DTWD2: variants seen among roughly 807,000 people sequenced by gnomAD.
The protein encoded by DTWD2 is DTW motif tRNA-uridine aminocarboxypropyltransferase 2, also known as tRNA-uridine aminocarboxypropyltransferase 2.
Under a neutral mutation model 31.8 loss-of-function variants are expected in DTWD2, and 39 were observed. The observed-to-expected ratio is 1.22, with a 90% CI of 0.95 to 1.60. The LOEUF (loss-of-function observed/expected upper bound fraction) is 1.60. Ranked by LOEUF, DTWD2 falls within the 40% of genes most tolerant of loss-of-function variation. DTWD2 has a pLI of 0.00. For missense variants in DTWD2, 515 were observed against 381.5 expected, an observed-to-expected ratio of 1.35 and a Z score of -2.92; for synonymous variants, 180 against 142.8, an observed-to-expected ratio of 1.26 and a Z score of -1.86.
intron 4 of DTWD2, among the ~76,000 whole-genome samples, chr5:118,848,624 A>T (rs922058422): frequency 6.6e-6 from 1 of 151,804 alleles, no homozygotes; most frequent in Non-Finnish European, 1.5e-5. Flanking sequence ...TAAAATCAAA[A>T]AGGCTACAAG....
chr5:118,880,984 G>T (rs1752727502), intron 4 of DTWD2, among the ~76,000 whole-genome samples: 1 of 152,140 alleles, frequency 6.6e-6, no homozygotes, highest in African/African-American at 2.4e-5. Context: ...CAAATGATTT[G>T]ATCTTAACTG....
chr5:118,975,939 T>A (rs1047823471), intron 1 of DTWD2, among the ~76,000 whole-genome samples: 7 of 152,108 alleles, frequency 4.6e-5, no homozygotes, highest in Non-Finnish European at 7.4e-5. Context: ...ACCACATAAT[T>A]AGAAGCAAAA....
chr5:118,851,013 G>A (rs894554231), intron 4 of DTWD2, among the ~76,000 whole-genome samples: 3 of 152,018 alleles, frequency 2.0e-5, no homozygotes, highest in Admixed American at 6.6e-5. Flanking sequence ...TTCGGAGGCC[G>A]AGGTGGGTGG....
chr5:118,943,518 T>C (rs1474739956), intron 2 of DTWD2, among the ~76,000 whole-genome samples: 2 of 145,788 alleles, frequency 1.4e-5, no homozygotes, highest in Non-Finnish European at 3.0e-5. Context: ...GCCACTGCAC[T>C]CCTGCTTGGG....
intron 4 of DTWD2, among the ~76,000 whole-genome samples, chr5:118,867,508 G>A (rs1026717170): frequency 6.6e-6 from 1 of 152,196 alleles, no homozygotes. Flanking sequence ...GACTGTCTTT[G>A]AAACCAGGAC....
chr5:118,868,210 A>C lies in DTWD2; in HGVS notation c.598-19992T>G, dbSNP rs138219104. Among the ~76,000 whole-genome samples, 641 of 152,262 alleles carry C rather than the reference A, an allele frequency of 4.2e-3. 7 individuals are homozygous for C. The highest frequency in any genetic ancestry group is 0.029 in the East Asian group (150 of 5,178). On this transcript the variant is annotated intron_variant, in intron 4 of 5. Transcript: ENST00000510708. ...GGTGTCAGAAATACGAGATACCCAC[A>C]TGCAAAAGAATGTTGTTGGGCCCTT...
At chr5:118,892,098 G>T (rs1561444167) in intron 4 of DTWD2, among the ~76,000 whole-genome samples, 1 of 151,938 alleles carries the variant, frequency 6.6e-6, no homozygotes, top group African/African-American at 2.4e-5. Context: ...ATTAGTAAGA[G>T]ATTTTATTTT....
chr5:118,929,764 C>G (rs1470141203), intron 3 of DTWD2, among the ~76,000 whole-genome samples: 1 of 152,182 alleles, frequency 6.6e-6, no homozygotes, highest in Non-Finnish European at 1.5e-5. Context: ...AAAGCTGTTG[C>G]ATCTGTAGAG....
At chr5:118,950,673 A>C (rs531537908) in intron 1 of DTWD2, among the ~76,000 whole-genome samples, 1 of 152,204 alleles carries the variant, frequency 6.6e-6, no homozygotes, top group Admixed American at 6.5e-5. Flanking sequence ...CACTTGAAGC[A>C]AGATCCTGGG....
At chr5:118,919,894 T>C (rs55874944) in intron 4 of DTWD2, among the ~76,000 whole-genome samples, 17,573 of 152,166 alleles carry the variant, frequency 0.12, 1,219 homozygotes, top group Middle Eastern at 0.2. Context: ...GGCTTATACA[T>C]GTAAGATGTA....
At chr5:118,891,526 C>CT (rs1416944670) in intron 4 of DTWD2, among the ~76,000 whole-genome samples, 2 of 152,180 alleles carry the variant, frequency 1.3e-5, no homozygotes, top group African/African-American at 2.4e-5. Flanking sequence ...AGCCTACTCT[C>CT]AATTGTGGCT....
chr5:118,953,392 T>C (rs1390892088), intron 1 of DTWD2, among the ~76,000 whole-genome samples: 1 of 152,200 alleles, frequency 6.6e-6, no homozygotes, highest in African/African-American at 2.4e-5. Context: ...AATCAAAGAA[T>C]AATAAACAAC....
intron 1 of DTWD2, among the ~76,000 whole-genome samples, chr5:118,948,983 G>C (rs1754399330): frequency 3.3e-5 from 5 of 152,204 alleles, no homozygotes; most frequent in Admixed American, 3.3e-4. Context: ...AGATTAGCCA[G>C]ACACGATCAG....
chr5:118,963,154 C>T (rs1259191368), intron 1 of DTWD2, among the ~76,000 whole-genome samples: 2 of 152,038 alleles, frequency 1.3e-5, no homozygotes, highest in African/African-American at 4.8e-5. Flanking sequence ...GTAAGAAATA[C>T]GAAGAGGCTG....
intron 1 of DTWD2, among the ~76,000 whole-genome samples, chr5:118,951,261 C>T (rs907482221): frequency 1.1e-4 from 16 of 152,002 alleles, no homozygotes; most frequent in African/African-American, 3.1e-4. Flanking sequence ...GAGCAGAAGC[C>T]GAGGAAGAAG....
At chr5:118,875,910 C>A (rs1233218891) in intron 4 of DTWD2, among the ~76,000 whole-genome samples, 1 of 152,180 alleles carries the variant, frequency 6.6e-6, no homozygotes, top group African/African-American at 2.4e-5. Flanking sequence ...ATATTCTTTT[C>A]TTCGCCACAT....
intron 4 of DTWD2, among the ~76,000 whole-genome samples, chr5:118,893,360 CA>C (rs751616981): frequency 0.058 from 3,027 of 52,558 alleles, 57 homozygotes; most frequent in African/African-American, 0.14. Flanking sequence ...GACACAGTCT[CA>C]AAAAAAAAAA....
chr5:118,971,062 A>G (rs2431602), intron 1 of DTWD2, among the ~76,000 whole-genome samples: 95,596 of 152,016 alleles, frequency 0.63, 30,720 homozygotes, highest in East Asian at 0.99. Flanking sequence ...GTGACACTAC[A>G]AAGCAACCAC....
intron 1 of DTWD2, among the ~76,000 whole-genome samples, chr5:118,968,260 CAATT>C (rs1435164131): frequency 6.6e-6 from 1 of 150,542 alleles, no homozygotes; most frequent in African/African-American, 2.4e-5. Context: ...CAAGACATGA[CAATT>C]AATGCAATGT....
Sources: gnomAD v4.1 joint callset for allele counts (sites outside exome capture counted in the v4.1 genomes callset) on GRCh38, gnomAD v4.1.1 for gene constraint, MANE v1.5 for transcripts, NCBI Gene and HGNC (gene_info 2026-07-23, HGNC 2026-07-21) for gene names.